RNLS: variants seen among roughly 807,000 people sequenced by gnomAD.
The protein encoded by RNLS is renalase.
A neutral mutation model predicts 39.8 loss-of-function variants in RNLS; 39 were observed. That is an observed-to-expected ratio of 0.98 (90% confidence interval 0.76 to 1.28). The LOEUF (loss-of-function observed/expected upper bound fraction) is 1.28, where lower values mean the gene tolerates loss of function less well. RNLS is among the 50% of genes most tolerant of loss of function. The pLI is 0.00. For synonymous variants in RNLS, 147 were observed against 150.7 expected (o/e 0.98, Z 0.18); for missense variants, 410 against 413.3 (o/e 0.99, Z 0.07).
the RNLS span, among the ~76,000 whole-genome samples, chr10:88,263,758 C>T: frequency 6.6e-6 from 1 of 152,150 alleles, no homozygotes. Flanking sequence ...ATGATTTAAA[C>T]TTTCTGAGCC....
intron 6 of RNLS, among the ~76,000 whole-genome samples, chr10:88,276,340 T>G (rs777968791): frequency 1.3e-5 from 2 of 152,160 alleles, no homozygotes; most frequent in African/African-American, 2.4e-5. Context: ...TTCTAGAACT[T>G]CTTTTGCAAC....
intron 4 of RNLS, among the ~76,000 whole-genome samples, chr10:88,549,695 C>A (rs537397259): frequency 1.3e-5 from 2 of 152,088 alleles, no homozygotes; most frequent in Admixed American, 1.3e-4. Context: ...GTATTACAGC[C>A]GACTGATCAG....
chr10:88,368,658 T>C (rs1850306322), intron 4 of RNLS, among the ~76,000 whole-genome samples: 1 of 152,184 alleles, frequency 6.6e-6, no homozygotes, highest in Non-Finnish European at 1.5e-5. Flanking sequence ...TTAATGCCTC[T>C]ATAATATTTG....
the RNLS span, among the ~76,000 whole-genome samples, chr10:88,249,765 C>T: frequency 6.6e-6 from 1 of 152,196 alleles, no homozygotes; most frequent in East Asian, 1.9e-4. Flanking sequence ...GTGTGCCATT[C>T]AGCAAACAAG....
the RNLS span, among the ~76,000 whole-genome samples, chr10:88,231,788 C>T: frequency 3.3e-5 from 5 of 152,160 alleles, no homozygotes; most frequent in African/African-American, 1.2e-4. Flanking sequence ...CAGAAGTGAA[C>T]TAGGAGACAG....
the RNLS span, among the ~76,000 whole-genome samples, chr10:88,196,809 T>C: frequency 1.1e-4 from 16 of 152,356 alleles, no homozygotes; most frequent in Admixed American, 3.3e-4. Context: ...TATTACTTGT[T>C]ACTCAGTAAT....
At chr10:88,378,529 TA>T (rs1421711845) in intron 4 of RNLS, among the ~76,000 whole-genome samples, 1 of 152,130 alleles carries the variant, frequency 6.6e-6, no homozygotes, top group African/African-American at 2.4e-5. Context: ...AAATTGGCCA[TA>T]AAAAATTATC....
the RNLS span, among the ~76,000 whole-genome samples, chr10:88,198,720 G>A: frequency 1.3e-5 from 2 of 152,044 alleles, no homozygotes; most frequent in South Asian, 4.1e-4. Flanking sequence ...TAGCATGCCT[G>A]CTTCCCCTTC....
At chr10:88,571,133 C>G (rs1214463978) in intron 4 of RNLS, among the ~76,000 whole-genome samples, 2 of 151,762 alleles carry the variant, frequency 1.3e-5, no homozygotes, top group Non-Finnish European at 2.9e-5. Context: ...CAGGAACATA[C>G]CACTATGCTT....
intron 4 of RNLS, among the ~76,000 whole-genome samples, chr10:88,431,111 C>A (rs1296694007): frequency 6.6e-6 from 1 of 151,504 alleles, no homozygotes; most frequent in Non-Finnish European, 1.5e-5. Flanking sequence ...CTGGAATTTT[C>A]TTTGTTAGAA....
the RNLS span, among the ~76,000 whole-genome samples, chr10:88,176,403 T>C: frequency 6.6e-6 from 1 of 152,180 alleles, no homozygotes; most frequent in Non-Finnish European, 1.5e-5. Context: ...CTTGATCTTC[T>C]GACCTCATGA....
At chr10:88,261,099 A>C in the RNLS span, among the ~76,000 whole-genome samples, 2 of 152,382 alleles carry the variant, frequency 1.3e-5, no homozygotes, top group African/African-American at 4.8e-5. Flanking sequence ...TAATGGCTGG[A>C]AACAGGAAAG....
intron 4 of RNLS, among the ~76,000 whole-genome samples, chr10:88,556,755 T>G (rs1848898109): frequency 6.6e-6 from 1 of 152,124 alleles, no homozygotes; most frequent in Non-Finnish European, 1.5e-5. Context: ...TTCACTACCT[T>G]CAGGTGTCTA....
intron 4 of RNLS, among the ~76,000 whole-genome samples, chr10:88,470,619 T>TA (rs1173345399): frequency 6.7e-6 from 1 of 148,992 alleles, no homozygotes; most frequent in Non-Finnish European, 1.5e-5. Context: ...TAATTTTAAT[T>TA]TTTTTTTTTT....
intron 6 of RNLS, 132 bp from the exon 7 acceptor site, chr10:88,285,638 A>C (rs530370316): frequency 7.5e-5 from 55 of 729,734 alleles, no homozygotes; most frequent in Middle Eastern, 2.6e-4. Context: ...AACAAACAAA[A>C]AAAATGCACA....
At chr10:88,320,476 C>T (rs900467740) in intron 5 of RNLS, among the ~76,000 whole-genome samples, 1 of 147,826 alleles carries the variant, frequency 6.8e-6, no homozygotes, top group African/African-American at 2.5e-5. Flanking sequence ...AGCATAAAAG[C>T]CCCACCTGAG....
At chr10:88,567,058 T>G (rs2134417209) in intron 4 of RNLS, among the ~76,000 whole-genome samples, 1 of 152,176 alleles carries the variant, frequency 6.6e-6, no homozygotes, top group Non-Finnish European at 1.5e-5. Flanking sequence ...AAAAGTTTAT[T>G]TGAAAGCAAA....
intron 4 of RNLS, among the ~76,000 whole-genome samples, chr10:88,424,473 T>G (rs1854593686): frequency 2.0e-5 from 3 of 151,990 alleles, no homozygotes; most frequent in African/African-American, 7.2e-5. Flanking sequence ...ATCTGTCAGA[T>G]GCAGACCACA....
At chr10:88,225,961 A>G in the RNLS span, among the ~76,000 whole-genome samples, 1 of 152,186 alleles carries the variant, frequency 6.6e-6, no homozygotes, top group Non-Finnish European at 1.5e-5. Context: ...TTGCTGTGAA[A>G]TGAATTTTGT....
Sources: gnomAD v4.1 joint callset for allele counts (sites outside exome capture counted in the v4.1 genomes callset) on GRCh38, gnomAD v4.1.1 for gene constraint, MANE v1.5 for transcripts, NCBI Gene and HGNC (gene_info 2026-07-23, HGNC 2026-07-21) for gene names.